The following ME1 variants were observed in gnomAD, a reference collection of about 807,000 sequenced individuals.
ME1 encodes the protein malic enzyme 1.
In ME1, 74 loss-of-function variants were observed where a neutral mutation model predicts 66.4. The ratio of observed to expected loss-of-function variants is 1.11; its 90% CI spans 0.92 to 1.35. The LOEUF (loss-of-function observed/expected upper bound fraction) is 1.35, where lower values mean the gene tolerates loss of function less well. Ranked by LOEUF, ME1 falls within the 40% of genes most tolerant of loss-of-function variation. The pLI, the probability that ME1 is intolerant of heterozygous loss-of-function variation, is 0.00. For missense variants in ME1, 750 were observed against 694.1 expected, an observed-to-expected ratio of 1.08 and a Z score of -0.90; for synonymous variants, 251 against 235.6, an observed-to-expected ratio of 1.07 and a Z score of -0.60.
At chr6:83,294,347 T>TC (rs1356325731) in intron 6 of ME1, among the ~76,000 whole-genome samples, 5 of 152,190 alleles carry the variant, frequency 3.3e-5, no homozygotes, top group African/African-American at 1.2e-4. Flanking sequence ...ATCTCTGACA[T>TC]TCCAACTCTA....
At chr6:83,353,647 ATT>A (rs1055800956) in intron 3 of ME1, among the ~76,000 whole-genome samples, 2 of 152,022 alleles carry the variant, frequency 1.3e-5, no homozygotes, top group Non-Finnish European at 2.9e-5. Context: ...GTTTCAATCC[ATT>A]ATAGTTATTT....
chr6:83,367,169 CT>C (rs971098527), intron 3 of ME1, among the ~76,000 whole-genome samples: 137 of 151,528 alleles, frequency 9.0e-4, no homozygotes, highest in African/African-American at 3.1e-3. Flanking sequence ...TGAAAATAAT[CT>C]TTTTTTTTCT....
chr6:83,388,223 G>A (rs552986379), intron 3 of ME1, among the ~76,000 whole-genome samples: 2 of 151,818 alleles, frequency 1.3e-5, no homozygotes, highest in South Asian at 4.2e-4. Context: ...GAGTAGGTGG[G>A]ACTATAGCAC....
chr6:83,381,277 G>A (rs1769391688), intron 3 of ME1, among the ~76,000 whole-genome samples: 1 of 152,096 alleles, frequency 6.6e-6, no homozygotes, highest in South Asian at 2.1e-4. Flanking sequence ...GCTCTTCTGG[G>A]AGGGCAAGAA....
intron 6 of ME1, among the ~76,000 whole-genome samples, chr6:83,314,659 C>T (rs1335062877): frequency 1.3e-5 from 2 of 149,636 alleles, no homozygotes; most frequent in African/African-American, 5.0e-5. Context: ...GATATGGGTA[C>T]CATCTCATTA....
At position 83,311,048 on chromosome 6, in the gene ME1, C is replaced by G. The variant is rs77074338; in HGVS notation, c.704+4262G>C. 1.1e-4 allele frequency among the ~76,000 whole-genome samples: 16 copies of G among 152,270 alleles called. No individual in the cohort carries two copies. The East Asian group carries it at 2.7e-3, about 26-fold the overall frequency. Reference sequence around the variant, plus strand: ...AGAGCTTTCGCATCTCACAAAGTGGCCTTCCCCTTCTTTCTTGGGATGATA... The same window carrying G: ...AGAGCTTTCGCATCTCACAAAGTGGGCTTCCCCTTCTTTCTTGGGATGATA... On this transcript the variant is annotated intron_variant, in intron 6 of 13. Coordinates refer to ENST00000369705, the MANE Select transcript of ME1 (RefSeq NM_002395.6).
chr6:83,374,006 A>ATCATTGATGACCATTTGGGTTGGG (rs1285243104), intron 3 of ME1, among the ~76,000 whole-genome samples: 1 of 152,148 alleles, frequency 6.6e-6, no homozygotes, highest in Non-Finnish European at 1.5e-5. Context: ...TATCCAGTCT[A>ATCATTGATGACCATTTGGGTTGGG]TCATTGATGA....
chr6:83,292,821 T>C (rs1486452568), intron 6 of ME1, among the ~76,000 whole-genome samples: 1 of 152,118 alleles, frequency 6.6e-6, no homozygotes, highest in Non-Finnish European at 1.5e-5. Context: ...ACTGTGAGCA[T>C]AGAACCGCCT....
At chr6:83,420,347 C>T (rs570888840) in intron 1 of ME1, among the ~76,000 whole-genome samples, 1 of 152,302 alleles carries the variant, frequency 6.6e-6, no homozygotes, top group Admixed American at 6.5e-5. Flanking sequence ...GGATTACAGG[C>T]ATAAGCCACT....
chr6:83,391,322 A>G (rs1276914348), intron 3 of ME1, among the ~76,000 whole-genome samples: 1 of 152,168 alleles, frequency 6.6e-6, no homozygotes, highest in Non-Finnish European at 1.5e-5. Context: ...CATACTTTCA[A>G]TCACTACTCT....
chr6:83,288,196 T>G (rs1328612235), intron 6 of ME1, among the ~76,000 whole-genome samples: 1 of 152,202 alleles, frequency 6.6e-6, no homozygotes, highest in Non-Finnish European at 1.5e-5. Flanking sequence ...TTGTTACCAT[T>G]GCTTTTGGTG....
At chr6:83,361,611 T>C (rs1428846207) in intron 3 of ME1, among the ~76,000 whole-genome samples, 2 of 152,246 alleles carry the variant, frequency 1.3e-5, no homozygotes, top group African/African-American at 4.8e-5. Context: ...ATCACAGTGG[T>C]GGCCTCTAGG....
In ME1 at chr6:83,257,222, T is replaced by G. The variant is rs149918513; in HGVS notation, c.705-3484A>C. Among the ~76,000 whole-genome samples the G allele has an allele frequency of 1.1e-3, 164 of 151,510 alleles. 2 individuals carry two copies. In the East Asian group the frequency reaches 0.024, roughly 22 times the overall value. ...AAAAATAAATAAAAAATAAATAAAA[T>G]TAAGACATCTTTAGATAAATAAAAA... On this transcript the variant is annotated intron_variant, in intron 6 of 13. Transcript: ENST00000369705.
chr6:83,320,582 G>C (rs1349510036), intron 5 of ME1, among the ~76,000 whole-genome samples: 2 of 152,192 alleles, frequency 1.3e-5, no homozygotes. Context: ...CTGAGCAGCT[G>C]AAGTTGAAGT....
chr6:83,259,437 AC>A (rs1215273761), intron 6 of ME1, among the ~76,000 whole-genome samples: 1 of 152,184 alleles, frequency 6.6e-6, no homozygotes, highest in East Asian at 1.9e-4. Context: ...ATTAGGTGAG[AC>A]TTAAGATGGG....
At position 83,216,560 on chromosome 6, in the gene ME1, C is replaced by T. The variant is rs1262440067; in HGVS notation, c.1486G>A (p.Glu496Lys). 2.5e-6 allele frequency: 4 copies of T among 1,611,066 alleles called. No individual in the cohort carries two copies. In the East Asian group the frequency reaches 6.7e-5, roughly 27 times the overall value. ...AQQVSDKHLE[E>K]GRLYPPLNTI... ...TTCAAAGGAGGATAAAGCCGACCCTCTTCCAAGTGTTTATCTGACACTTGC... is the reference window on the plus strand; with the variant it reads ...TTCAAAGGAGGATAAAGCCGACCCTTTTCCAAGTGTTTATCTGACACTTGC... The change falls in exon 13 of 14, where the codon GAG becomes AAG. Residue 496 changes from glutamate (E) to lysine (K), a missense_variant. Physicochemically the swap from Glu to Lys is moderately conservative, Grantham distance 56 (BLOSUM62 1). Transcript: ENST00000369705.
At chr6:83,245,382 A>G (rs893173824) in intron 7 of ME1, among the ~76,000 whole-genome samples, 2 of 151,496 alleles carry the variant, frequency 1.3e-5, no homozygotes, top group African/African-American at 4.9e-5. Flanking sequence ...TTCCCAAAGT[A>G]GTGGGGTGTC....
chr6:83,227,127 A>G (rs75680779), intron 11 of ME1, among the ~76,000 whole-genome samples: 201 of 152,310 alleles, frequency 1.3e-3, no homozygotes, highest in African/African-American at 4.6e-3. Flanking sequence ...GTAAAACATT[A>G]AAATATGTAT....
In ME1 at chr6:83,363,016, C is replaced by T. The variant is rs755090246; in HGVS notation, c.363-10877G>A. Reference sequence around the variant, plus strand: ...CCAACTAGGTGACAATACTTTGCAGCGCTGAGGCAAAGTTCTCCAGAAGGC... The same window carrying T: ...CCAACTAGGTGACAATACTTTGCAGTGCTGAGGCAAAGTTCTCCAGAAGGC... On this transcript the variant is annotated intron_variant, in intron 3 of 13. Transcript: ENST00000369705. Among the ~76,000 whole-genome samples the T allele has an allele frequency of 7.9e-5, 12 of 152,218 alleles. 1 individual carries two copies. The highest frequency in any genetic ancestry group is 2.1e-4 in the South Asian group (1 of 4,820).
Sources: allele counts gnomAD v4.1 joint callset (sites outside exome capture counted in the v4.1 genomes callset), GRCh38; gene constraint gnomAD v4.1.1; transcripts MANE v1.5; gene names NCBI Gene and HGNC (gene_info 2026-07-23, HGNC 2026-07-21).